Variants in GLIS3 observed in about 807,000 individuals in gnomAD.
The protein encoded by GLIS3 is GLIS family zinc finger 3.
Under a neutral mutation model 78.6 loss-of-function variants are expected in GLIS3, and 53 were observed. That is an observed-to-expected ratio of 0.67 (90% confidence interval 0.54 to 0.85). The LOEUF (loss-of-function observed/expected upper bound fraction) is 0.85, where lower values mean the gene tolerates loss of function less well. Ranked by LOEUF, GLIS3 falls within the 40% of genes least tolerant of loss-of-function variation. GLIS3 has a pLI of 0.00. For missense variants in GLIS3, 1,703 were observed against 1,231.1 expected, an observed-to-expected ratio of 1.38 and a Z score of -5.74; for synonymous variants, 684 against 509.9, an observed-to-expected ratio of 1.34 and a Z score of -4.60.
chr9:4,326,964 A>C (rs1817609847), intron 2 of GLIS3, among the ~76,000 whole-genome samples: 1 of 152,218 alleles, frequency 6.6e-6, no homozygotes, highest in African/African-American at 2.4e-5. Context: ...ATACTTATTG[A>C]GTTGCCTGTG....
At position 4,311,927 on chromosome 9, in the gene GLIS3, C is replaced by T. The variant is rs148503406; in HGVS notation, n.265-1399G>A. Reference sequence around the variant, plus strand: ...CTATTCTTCTTGGAAGTGGAAACTACATGATGAGGACACGTGGACACAGAG... The same window carrying T: ...CTATTCTTCTTGGAAGTGGAAACTATATGATGAGGACACGTGGACACAGAG... On this transcript the variant is annotated intron_variant and non_coding_transcript_variant, in intron 2 of 4. Transcript: ENST00000471664. Among the ~76,000 whole-genome samples the T allele has an allele frequency of 1.5e-3, 217 of 147,668 alleles. 4 individuals carry two copies. In the East Asian group the frequency reaches 0.04, roughly 27 times the overall value.
the GLIS3 span, among the ~76,000 whole-genome samples, chr9:4,464,299 T>C: frequency 6.6e-6 from 1 of 152,134 alleles, no homozygotes; most frequent in South Asian, 2.1e-4. Context: ...ACTGTTTTAA[T>C]TTTTACCATG....
At chr9:4,440,817 G>A in the GLIS3 span, among the ~76,000 whole-genome samples, 1 of 151,980 alleles carries the variant, frequency 6.6e-6, no homozygotes, top group African/African-American at 2.4e-5. Flanking sequence ...ATTTACTTGT[G>A]TCTTCTTCAA....
At chr9:4,320,964 C>T (rs530011272) in intron 2 of GLIS3, among the ~76,000 whole-genome samples, 2 of 152,074 alleles carry the variant, frequency 1.3e-5, no homozygotes, top group Admixed American at 1.3e-4. Context: ...CCACAGCTCT[C>T]GAGATACAAA....
the GLIS3 span, among the ~76,000 whole-genome samples, chr9:4,468,986 C>G: frequency 1.3e-5 from 2 of 152,086 alleles, no homozygotes; most frequent in African/African-American, 4.8e-5. Context: ...ATTTGCAATC[C>G]TAGTCTCTGA....
chr9:4,434,791 C>G, the GLIS3 span, among the ~76,000 whole-genome samples: 3 of 152,144 alleles, frequency 2.0e-5, no homozygotes, highest in African/African-American at 4.8e-5. Context: ...ACTTAAAAAT[C>G]CTGACATTGA....
At chr9:4,192,907 AAAG>A (rs1818460806) in intron 2 of GLIS3, among the ~76,000 whole-genome samples, 1 of 152,254 alleles carries the variant, frequency 6.6e-6, no homozygotes, top group African/African-American at 2.4e-5. Flanking sequence ...AAGGCCTCAA[AAAG>A]AAGTATCTCA....
At chr9:3,979,655 CACA>C (rs910604319) in intron 4 of GLIS3, among the ~76,000 whole-genome samples, 7 of 152,202 alleles carry the variant, frequency 4.6e-5, no homozygotes, top group African/African-American at 1.7e-4. Flanking sequence ...CTTCACCCAG[CACA>C]ACACTTACCA....
chr9:4,351,123 A>AT (rs1225912872), upstream of GLIS3, among the ~76,000 whole-genome samples: 1 of 152,104 alleles, frequency 6.6e-6, no homozygotes, highest in Non-Finnish European at 1.5e-5. Context: ...GCTGGTTGGG[A>AT]TAGCCTCTCT....
the GLIS3 span, among the ~76,000 whole-genome samples, chr9:4,356,580 T>C: frequency 1.3e-5 from 2 of 152,170 alleles, no homozygotes; most frequent in Non-Finnish European, 2.9e-5. Flanking sequence ...CACGGTAGGG[T>C]CAAGCTGTCT....
chr9:3,884,913 C>G (rs964140797), intron 7 of GLIS3, among the ~76,000 whole-genome samples: 10 of 152,090 alleles, frequency 6.6e-5, no homozygotes, highest in African/African-American at 1.9e-4. Context: ...CCTGAACACT[C>G]TGTTTGCAAA....
intron 4 of GLIS3, among the ~76,000 whole-genome samples, chr9:4,103,293 G>A (rs1472042991): frequency 6.6e-6 from 1 of 152,074 alleles, no homozygotes; most frequent in Admixed American, 6.6e-5. Flanking sequence ...CAGGAGCCTT[G>A]AACATTTAGA....
intron 4 of GLIS3, among the ~76,000 whole-genome samples, chr9:3,966,404 A>C (rs1000754489): frequency 3.9e-5 from 6 of 152,056 alleles, no homozygotes; most frequent in African/African-American, 1.5e-4. Flanking sequence ...ACAGGTGTTG[A>C]TAGGCTAAAT....
intron 2 of GLIS3, among the ~76,000 whole-genome samples, chr9:4,279,658 G>T (rs932023879): frequency 6.6e-6 from 1 of 151,190 alleles, no homozygotes; most frequent in African/African-American, 2.4e-5. Context: ...TATTTCAACT[G>T]GTGTTAACCT....
At chr9:4,163,244 G>GCACACACA (rs59165297) in intron 2 of GLIS3, among the ~76,000 whole-genome samples, 1 of 151,546 alleles carries the variant, frequency 6.6e-6, no homozygotes, top group African/African-American at 2.4e-5. Context: ...ATGTGCACTG[G>GCACACACA]CACACACACA....
At chr9:4,004,114 C>G (rs1265109666) in intron 4 of GLIS3, among the ~76,000 whole-genome samples, 1 of 152,072 alleles carries the variant, frequency 6.6e-6, no homozygotes. Flanking sequence ...GATTCTTATT[C>G]AAGTAACAGA....
intron 7 of GLIS3, among the ~76,000 whole-genome samples, chr9:3,887,889 C>T (rs1886001): frequency 0.99 from 151,252 of 152,330 alleles, 75,103 homozygotes; most frequent in Middle Eastern, 1. Flanking sequence ...GAACCTTTCA[C>T]ACAGCCCTCT....
Position 3,923,496 on chromosome 9 carries a change from T to C in GLIS3, c.1983+8864A>G, listed in dbSNP as rs7033290. 8.5e-3 allele frequency among the ~76,000 whole-genome samples: 1,299 copies of C among 152,084 alleles called. 16 individuals carry two copies. Among genetic ancestry groups the C allele is most frequent in the African/African-American group, 0.029 (1,217 of 41,516 alleles). ...GGAAACTAGAGATATTAAAGGAGAA[T>C]TTCACAGACATCAGCAAGGTCACCA... On this transcript the variant is annotated intron_variant, in intron 6 of 10. Coordinates refer to ENST00000381971, the MANE Select transcript of GLIS3 (RefSeq NM_001042413.2).
chr9:3,839,365 T>A (rs2130051463), intron 9 of GLIS3, among the ~76,000 whole-genome samples: 1 of 152,326 alleles, frequency 6.6e-6, no homozygotes, highest in South Asian at 2.1e-4. Context: ...AATCTCCTAC[T>A]AAGTCCAGAG....
Sources: gnomAD v4.1 joint callset for allele counts (sites outside exome capture counted in the v4.1 genomes callset) on GRCh38, gnomAD v4.1.1 for gene constraint, MANE v1.5 for transcripts, NCBI Gene and HGNC (gene_info 2026-07-23, HGNC 2026-07-21) for gene names.